GPM6A: variants seen among roughly 807,000 people sequenced by gnomAD.
GPM6A encodes the protein glycoprotein M6A.
A neutral mutation model predicts 32.1 loss-of-function variants in GPM6A; 7 were observed. That is an observed-to-expected ratio of 0.22 (90% CI 0.12 to 0.41). The LOEUF is 0.41. Ranked by LOEUF, GPM6A falls within the 10% of genes least tolerant of loss-of-function variation. GPM6A has a pLI of 1.00. For synonymous variants in GPM6A, 130 were observed against 123.4 expected, an observed-to-expected ratio of 1.05 and a Z score of -0.35; for missense variants, 235 against 347.2, an observed-to-expected ratio of 0.68 and a Z score of 2.57.
intron 2 of GPM6A, among the ~76,000 whole-genome samples, chr4:175,699,015 T>C (rs749282671): frequency 6.6e-6 from 1 of 152,178 alleles, no homozygotes; most frequent in Non-Finnish European, 1.5e-5. Flanking sequence ...TCATTAGGCT[T>C]ATGATTTCTT....
chr4:175,863,056 G>A (rs1428727471), intron 1 of GPM6A, among the ~76,000 whole-genome samples: 24 of 151,732 alleles, frequency 1.6e-4, no homozygotes. Context: ...TGATTGTATT[G>A]AGTAGACATT....
At chr4:175,935,132 A>C (rs778349838) in intron 1 of GPM6A, among the ~76,000 whole-genome samples, 1 of 152,238 alleles carries the variant, frequency 6.6e-6, no homozygotes, top group African/African-American at 2.4e-5. Flanking sequence ...TGCACTTTAG[A>C]GCACAGTAAT....
intron 3 of GPM6A, 109 bp downstream of exon 3, chr4:175,673,571 C>T (rs997834309): frequency 1.6e-5 from 11 of 673,288 alleles, no homozygotes; most frequent in East Asian, 8.0e-5. Context: ...CAGAAGGAAA[C>T]GTTACTGTGT....
intron 1 of GPM6A, among the ~76,000 whole-genome samples, chr4:175,929,445 G>A (rs1738955184): frequency 6.6e-6 from 1 of 152,160 alleles, no homozygotes; most frequent in Non-Finnish European, 1.5e-5. Flanking sequence ...CCCACTGGTG[G>A]AAAGATGTGT....
chr4:175,711,409 A>AATATATAT (rs36105210), intron 1 of GPM6A, among the ~76,000 whole-genome samples: 114 of 53,188 alleles, frequency 2.1e-3, no homozygotes, highest in African/African-American at 5.2e-3. Flanking sequence ...TGGCACACCA[A>AATATATAT]ATATATATAT....
intron 1 of GPM6A, among the ~76,000 whole-genome samples, chr4:175,832,376 A>C (rs2111369689): frequency 6.6e-6 from 1 of 152,324 alleles, no homozygotes; most frequent in South Asian, 2.1e-4. Context: ...ATAATGTAGA[A>C]TATAATGTTA....
intron 1 of GPM6A, among the ~76,000 whole-genome samples, chr4:175,778,642 A>AG (rs1163711142): frequency 4.5e-4 from 67 of 148,598 alleles, no homozygotes; most frequent in African/African-American, 1.6e-3. Flanking sequence ...AAAAAAAAAA[A>AG]AAAAAAAAGA....
At chr4:175,791,133 T>A (rs1324055557) in intron 1 of GPM6A, among the ~76,000 whole-genome samples, 1 of 152,194 alleles carries the variant, frequency 6.6e-6, no homozygotes, top group African/African-American at 2.4e-5. Flanking sequence ...ATAGGCTCTA[T>A]CTATTAGGTA....
At chr4:175,662,527 G>T (rs1220171776) in intron 3 of GPM6A, among the ~76,000 whole-genome samples, 1 of 152,020 alleles carries the variant, frequency 6.6e-6, no homozygotes, top group Non-Finnish European at 1.5e-5. Flanking sequence ...TTGAACCTGG[G>T]AGGCGGAGAT....
At chr4:175,853,211 T>G (rs971063445) in intron 1 of GPM6A, among the ~76,000 whole-genome samples, 2 of 152,120 alleles carry the variant, frequency 1.3e-5, no homozygotes, top group Admixed American at 6.6e-5. Context: ...AATTTGCTGC[T>G]TCTATCCTTA....
At chr4:175,747,603 C>A (rs2111180725) in intron 1 of GPM6A, among the ~76,000 whole-genome samples, 1 of 152,236 alleles carries the variant, frequency 6.6e-6, no homozygotes, top group African/African-American at 2.4e-5. Flanking sequence ...GTCTAAAAAA[C>A]AATGTATATA....
rs1318490078 is a variant in GPM6A, at chr4:175,888,041, A to C, written c.-22-75792T>G. 2.0e-5 allele frequency among the ~76,000 whole-genome samples: 3 copies of C among 152,090 alleles called. No homozygotes were observed. The South Asian group carries it at 6.2e-4, about 31-fold the overall frequency. Reference sequence around the variant, plus strand: ...GGTAAGGACATCATCAAAAAGAAAAATTTGAGGTTGATTTTATTTACAAAC... The same window carrying C: ...GGTAAGGACATCATCAAAAAGAAAACTTTGAGGTTGATTTTATTTACAAAC... On this transcript the variant is annotated intron_variant, in intron 1 of 7. Transcript: ENST00000280187.
At chr4:175,870,456 G>T (rs915397942) in intron 1 of GPM6A, among the ~76,000 whole-genome samples, 4 of 151,948 alleles carry the variant, frequency 2.6e-5, no homozygotes, top group African/African-American at 9.7e-5. Context: ...TATGTGACAG[G>T]CACTATGCCA....
chr4:175,781,988 T>G (rs1443220514), intron 1 of GPM6A, among the ~76,000 whole-genome samples: 1 of 151,912 alleles, frequency 6.6e-6, no homozygotes, highest in Non-Finnish European at 1.5e-5. Context: ...AAAGGGTGAG[T>G]CCTAAAATAT....
chr4:175,773,970 T>C (rs78266081), intron 1 of GPM6A, among the ~76,000 whole-genome samples: 3 of 152,080 alleles, frequency 2.0e-5, no homozygotes, highest in Non-Finnish European at 4.4e-5. Context: ...GAAGAGTAAA[T>C]AAAATTCTAT....
At chr4:175,664,404 T>A (rs1342282202) in intron 3 of GPM6A, among the ~76,000 whole-genome samples, 1 of 152,174 alleles carries the variant, frequency 6.6e-6, no homozygotes, top group Non-Finnish European at 1.5e-5. Flanking sequence ...TGGTGAGGGA[T>A]TTTAATAGGA....
At chr4:175,904,482 A>G (rs1331564588) in intron 1 of GPM6A, among the ~76,000 whole-genome samples, 1 of 152,186 alleles carries the variant, frequency 6.6e-6, no homozygotes. Flanking sequence ...TCATAAACAC[A>G]TATAAAATGC....
At chr4:175,701,453 T>C in intron 2 of GPM6A, 122 bp downstream of exon 2, 1 of 708,064 alleles carries the variant, frequency 1.4e-6, no homozygotes. Flanking sequence ...GAATCAGGTA[T>C]ACCCTAAAAG....
At chr4:175,643,249 A>G (rs1365484661) in intron 4 of GPM6A, among the ~76,000 whole-genome samples, 2 of 152,128 alleles carry the variant, frequency 1.3e-5, no homozygotes, top group African/African-American at 4.8e-5. Context: ...TCCTTCTATT[A>G]TTAGTCAGAC....
Sources: gnomAD v4.1 joint callset for allele counts (sites outside exome capture counted in the v4.1 genomes callset) on GRCh38, gnomAD v4.1.1 for gene constraint, MANE v1.5 for transcripts, NCBI Gene and HGNC (gene_info 2026-07-23, HGNC 2026-07-21) for gene names.